The following NALF1 variants were observed in gnomAD, a reference collection of about 807,000 sequenced individuals.
NALF1 encodes the protein family with sequence similarity 155 member A.
NALF1 carries 3 observed loss-of-function variants against 48.4 expected under a neutral mutation model. The ratio of observed to expected loss-of-function variants is 0.06; its 90% CI spans 0.03 to 0.16. The LOEUF is 0.16. Ranked by LOEUF, NALF1 falls within the 10% of genes least tolerant of loss-of-function variation. The pLI, the probability that NALF1 is intolerant of heterozygous loss-of-function variation, is 1.00. For missense variants in NALF1, 526 were observed against 571.5 expected, an observed-to-expected ratio of 0.92 and a Z score of 0.81; for synonymous variants, 262 against 245.7, an observed-to-expected ratio of 1.07 and a Z score of -0.62.
At chr13:107,408,173 A>T (rs1883931729) in intron 1 of NALF1, among the ~76,000 whole-genome samples, 1 of 152,018 alleles carries the variant, frequency 6.6e-6, no homozygotes, top group Non-Finnish European at 1.5e-5. Flanking sequence ...AAAAATAGTT[A>T]AAAATAACGA....
intron 1 of NALF1, among the ~76,000 whole-genome samples, chr13:107,299,287 T>C (rs1233002580): frequency 5.3e-5 from 8 of 151,910 alleles, no homozygotes; most frequent in Admixed American, 5.3e-4. Context: ...AAAAATTAGC[T>C]GGGCATGGTG....
chr13:107,308,359 G>A (rs1404381072), intron 1 of NALF1, among the ~76,000 whole-genome samples: 3 of 151,622 alleles, frequency 2.0e-5, no homozygotes, highest in Non-Finnish European at 2.9e-5. Context: ...CCGCCACCAC[G>A]CCCGGCTAAT....
In NALF1 at chr13:107,675,840, T is replaced by A. The variant is rs182650056; in HGVS notation, c.915+189842A>T. ...TGAGGCAAGGAATGTCACTCATACA[T>A]GGGGATCTAAAAAATGCATTTTCCA... On this transcript the variant is annotated intron_variant, in intron 1 of 2. Transcript: ENST00000375915. Among the ~76,000 whole-genome samples, 242 of 152,278 alleles carry A rather than the reference T, an allele frequency of 1.6e-3. 1 individual carries two copies. The highest frequency in any genetic ancestry group is 2.4e-3 in the Non-Finnish European group (163 of 68,016).
intron 1 of NALF1, among the ~76,000 whole-genome samples, chr13:107,815,849 C>T (rs1410976702): frequency 6.6e-6 from 1 of 152,058 alleles, no homozygotes; most frequent in East Asian, 1.9e-4. Context: ...CATTGATGGA[C>T]CTTGGAAACA....
At chr13:107,466,703 A>G (rs1244950531) in intron 1 of NALF1, 16 of 152,212 alleles carry the variant, frequency 1.1e-4, no homozygotes, top group Admixed American at 1.0e-3. Flanking sequence ...AGAGATTGAG[A>G]GAGTTTATTT....
At chr13:107,246,984 T>C (rs1880598950) in intron 1 of NALF1, among the ~76,000 whole-genome samples, 1 of 152,194 alleles carries the variant, frequency 6.6e-6, no homozygotes, top group Non-Finnish European at 1.5e-5. Context: ...ATTCTAGTGT[T>C]TCCATTACAA....
At chr13:107,767,498 A>G (rs1877448331) in intron 1 of NALF1, among the ~76,000 whole-genome samples, 1 of 152,198 alleles carries the variant, frequency 6.6e-6, no homozygotes, top group Non-Finnish European at 1.5e-5. Flanking sequence ...TCTCATCAGA[A>G]TATTTTAGGT....
chr13:107,437,322 T>C (rs769767703), intron 1 of NALF1, among the ~76,000 whole-genome samples: 16 of 152,218 alleles, frequency 1.1e-4, no homozygotes, highest in Non-Finnish European at 1.9e-4. Flanking sequence ...CTTTGAAAAA[T>C]GACCTGGCGG....
At chr13:107,676,444 A>G (rs1333069933) in intron 1 of NALF1, among the ~76,000 whole-genome samples, 1 of 152,172 alleles carries the variant, frequency 6.6e-6, no homozygotes, top group East Asian at 1.9e-4. Context: ...AATATGTGGC[A>G]TATTTGGCAT....
At chr13:107,747,628 T>C (rs932416936) in intron 1 of NALF1, among the ~76,000 whole-genome samples, 1 of 152,196 alleles carries the variant, frequency 6.6e-6, no homozygotes, top group African/African-American at 2.4e-5. Context: ...CTCGATAGTC[T>C]ATGTGTATTA....
intron 1 of NALF1, among the ~76,000 whole-genome samples, chr13:107,428,122 T>C (rs1159994963): frequency 1.3e-5 from 2 of 152,068 alleles, no homozygotes; most frequent in African/African-American, 4.8e-5. Flanking sequence ...TAGAGCAATT[T>C]TAATAAAACA....
intron 1 of NALF1, among the ~76,000 whole-genome samples, chr13:107,443,611 T>G (rs1454017109): frequency 6.6e-6 from 1 of 151,340 alleles, no homozygotes; most frequent in East Asian, 1.9e-4. Flanking sequence ...TTTAAACTAA[T>G]TTTTATTGAT....
intron 1 of NALF1, among the ~76,000 whole-genome samples, chr13:107,238,051 C>T (rs151108438): frequency 4.8e-4 from 73 of 152,200 alleles, no homozygotes; most frequent in African/African-American, 1.4e-3. Context: ...TTTGTTATCT[C>T]GAATCCAGAG....
chr13:107,342,287 A>G (rs1355583023), intron 1 of NALF1, among the ~76,000 whole-genome samples: 3 of 152,218 alleles, frequency 2.0e-5, no homozygotes, highest in African/African-American at 7.2e-5. Flanking sequence ...AAGTAATTCT[A>G]CACAGTTGAG....
rs1883088517 is a variant in NALF1 at position 107,362,835 on chromosome 13, T to C, written c.916-152080A>G. Among the ~76,000 whole-genome samples the C allele has an allele frequency of 6.6e-6, 1 of 152,122 alleles. No homozygotes were observed. The highest frequency in any genetic ancestry group is 1.5e-5 in the Non-Finnish European group (1 of 68,030). On this transcript the variant is annotated intron_variant, in intron 1 of 2. Coordinates refer to ENST00000375915, the MANE Select transcript of NALF1 (RefSeq NM_001080396.3). The surrounding 1 kb of genome is among the most constrained non-coding windows in gnomAD (Gnocchi z 4.6). Reference sequence around the variant, plus strand: ...ACATATGGAGCAACCAGGATGAATGTGAGCTTTTGGCAGGTCTAAAGTAAG... The same window carrying C: ...ACATATGGAGCAACCAGGATGAATGCGAGCTTTTGGCAGGTCTAAAGTAAG...
chr13:107,235,416 G>A (rs1343460898), intron 1 of NALF1, among the ~76,000 whole-genome samples: 1 of 151,946 alleles, frequency 6.6e-6, no homozygotes, highest in East Asian at 1.9e-4. Flanking sequence ...ATACACAGGG[G>A]ATCAGTTTCA....
intron 1 of NALF1, among the ~76,000 whole-genome samples, chr13:107,339,750 A>C (rs1393065259): frequency 1.3e-5 from 2 of 152,188 alleles, no homozygotes; most frequent in Non-Finnish European, 2.9e-5. Context: ...TTCTCCATTA[A>C]GGCAAACACC....
At chr13:107,421,172 T>C (rs1037599226) in intron 1 of NALF1, among the ~76,000 whole-genome samples, 3 of 152,212 alleles carry the variant, frequency 2.0e-5, no homozygotes, top group Non-Finnish European at 2.9e-5. Context: ...CAATTTCACA[T>C]ACACTCACCA....
At position 107,459,730 on chromosome 13, in the gene NALF1, GCTT is replaced by G. The variant is rs894683284; in HGVS notation, c.916-248978_916-248976del. 2.8e-4 allele frequency among the ~76,000 whole-genome samples: 43 copies of G among 152,106 alleles called. 1 individual carries two copies. Among genetic ancestry groups the G allele is most frequent in the Admixed American group, 2.6e-3 (40 of 15,280 alleles). ...ATCCCTTCTAAGCCATTCTTGTCAT[GCTT>G]CTTATTTTTTATTTTTTATTTTCTT... On this transcript the variant is annotated intron_variant, in intron 1 of 2. Transcript: ENST00000375915.
Sources: gnomAD v4.1 joint callset for allele counts (sites outside exome capture counted in the v4.1 genomes callset) on GRCh38, gnomAD v4.1.1 for gene constraint, Gnocchi (gnomAD v3.1) non-coding constraint, MANE v1.5 for transcripts, NCBI Gene and HGNC (gene_info 2026-07-23, HGNC 2026-07-21) for gene names.